ZNF862: variants seen among roughly 807,000 people sequenced by gnomAD.
ZNF862 encodes the protein zinc finger protein 862.
A neutral mutation model predicts 91.1 loss-of-function variants in ZNF862; 64 were observed. The ratio of observed to expected loss-of-function variants is 0.70; its 90% CI spans 0.57 to 0.87. ZNF862 has a LOEUF of 0.87. Among genes scored for constraint, ZNF862 ranks in the 40% least tolerant of loss-of-function variants. The pLI, the probability that ZNF862 is intolerant of heterozygous loss-of-function variation, is 0.00. For synonymous variants in ZNF862, 631 were observed against 618.1 expected (o/e 1.02, Z -0.31); for missense variants, 1,459 against 1,528.0 (o/e 0.95, Z 0.75).
Position 149,838,526 on chromosome 7 carries a change from C to T in ZNF862, c.-86C>T. The T allele has an allele frequency of 2.0e-6, 2 of 980,104 alleles. No homozygotes were observed. The highest frequency in any genetic ancestry group is 2.6e-6 in the Non-Finnish European group (2 of 757,592). 60.7% of individuals were successfully genotyped at this position (980,104 alleles called of 1,614,324 possible). ...CTGGGTGCCCTCCCCCTCCGGGAGC[C>T]TGGGTCCCCGGGGCGGTCGCGGCGG... is the stretch of plus-strand genomic sequence containing the variant. On this transcript the variant is annotated 5_prime_UTR_variant, in exon 1 of 8. Coordinates refer to ENST00000223210, the MANE Select transcript of ZNF862 (RefSeq NM_001099220.3).
At chr7:149,860,000 G>A (rs187291986) in intron 6 of ZNF862, 2 of 275,032 alleles carry the variant, frequency 7.3e-6, no homozygotes, top group East Asian at 7.5e-5. Context: ...GCCTTGGCAG[G>A]TGTTTAACCT....
chr7:149,841,881 C>T (rs1801718425), intron 1 of ZNF862, among the ~76,000 whole-genome samples: 2 of 152,106 alleles, frequency 1.3e-5, no homozygotes, highest in Admixed American at 1.3e-4. Context: ...TTTGAATTAC[C>T]ATGCATCAAG....
Position 149,864,191 on chromosome 7 carries a change from G to A in ZNF862, c.3417G>A (p.Arg1139=), listed in dbSNP as rs1250832280. ...AGAAGCCACCCATCCTGCCCTCCAG[G>A]GAAGCAGCGGAGGTTCTGAAGGACT... The part of the protein sequence containing the change: ...RTQKPPILPS[R]EAAEVLKDCI... The change falls in exon 8 of 8, where the codon AGG becomes AGA. Residue 1139 remains arginine, a synonymous_variant. Transcript: ENST00000223210. 6.3e-7 allele frequency: 1 copy of A among 1,595,930 alleles called. No homozygotes were observed. The highest frequency in any genetic ancestry group is 8.5e-7 in the Non-Finnish European group (1 of 1,171,642).
intron 1 of ZNF862, among the ~76,000 whole-genome samples, chr7:149,843,148 T>C (rs943616497): frequency 6.6e-6 from 1 of 152,228 alleles, no homozygotes; most frequent in African/African-American, 2.4e-5. Flanking sequence ...TTATTTCTAT[T>C]GTCCAAATTT....
At chr7:149,843,422 C>CT in intron 1 of ZNF862, among the ~76,000 whole-genome samples, 1 of 152,254 alleles carries the variant, frequency 6.6e-6, no homozygotes, top group East Asian at 1.9e-4. Context: ...ATTTCTACTT[C>CT]TTTTTCTGTT....
Position 149,860,618 on chromosome 7 carries a change from C to T in ZNF862, c.1458C>T (p.Phe486=), listed in dbSNP as rs1359902617. ...TTGACCCCAAAGAGACCAAACTCTT[C>T]TGCTCAGCCTGCATAGAAAGACCTA... The part of the protein sequence containing the change: ...LVIDPKETKL[F]CSACIERPNL... The change falls in exon 7 of 8, where the codon TTC becomes TTT. Residue 486 remains phenylalanine, a synonymous_variant. Coordinates refer to ENST00000223210, the MANE Select transcript of ZNF862 (RefSeq NM_001099220.3). 4 of 1,613,894 alleles carry T rather than the reference C, an allele frequency of 2.5e-6. No homozygotes were observed. Among genetic ancestry groups the T allele is most frequent in the Middle Eastern group, 1.6e-4 (1 of 6,084 alleles).
chr7:149,861,760 A>T lies in ZNF862; in HGVS notation c.2600A>T (p.Glu867Val). ...CAGAAGGAGATCGTGCTGATTACAG[A>T]GGTGAACGCCACGCTGGGCCGCGCC... is the stretch of plus-strand genomic sequence containing the variant. ...VCQKEIVLIT[E>V]VNATLGRAYV... Residue 867 changes from glutamate to valine, a missense_variant, in exon 7 of 8, where the codon GAG becomes GTG. Transcript: ENST00000223210. This position sits in a 1 kb window ranked among gnomAD's most constrained non-coding sequence, Gnocchi z 6.7. 1 of 1,613,624 alleles carries T rather than the reference A, an allele frequency of 6.2e-7. No homozygotes were observed. Among genetic ancestry groups the T allele is most frequent in the Non-Finnish European group, 8.5e-7 (1 of 1,179,842 alleles).
Position 149,844,716 on chromosome 7 carries a change from A to T in ZNF862, c.116A>T (p.Asn39Ile). The change falls in exon 2 of 8, where the codon AAC becomes ATC. Residue 39 changes from asparagine (N) to isoleucine (I), a missense_variant. By Grantham distance (149) the Asn-to-Ile change is moderately radical. Coordinates refer to ENST00000223210, the MANE Select transcript of ZNF862 (RefSeq NM_001099220.3). ...CAACAGAAGGAGCTCTGTGGTTCCA[A>T]CAAGCTGGTGGCACCACTGGGTATG... ...SQQQKELCGS[N>I]KLVAPLGPTV... The T allele has an allele frequency of 6.3e-7, 1 of 1,591,520 alleles. No homozygotes were observed. Among genetic ancestry groups the T allele is most frequent in the South Asian group, 1.1e-5 (1 of 87,258 alleles).
rs763527788 is a variant in ZNF862 at position 149,862,070 on chromosome 7, C to T, written c.2910C>T (p.Leu970=). ...ELASFGNDDI[L]NLARYFECSL... ...CCAGTTTTGGGAATGATGACATTCTCAACCTGGCCAGGTATTTCGAGTGCT... is the reference window on the plus strand; with the variant it reads ...CCAGTTTTGGGAATGATGACATTCTTAACCTGGCCAGGTATTTCGAGTGCT... Residue 970 remains leucine, a synonymous_variant, in exon 7 of 8, where the codon CTC becomes CTT. Transcript: ENST00000223210. The T allele has an allele frequency of 6.2e-7, 1 of 1,613,722 alleles. No individual in the cohort carries two copies. Among genetic ancestry groups the T allele is most frequent in the Non-Finnish European group, 8.5e-7 (1 of 1,179,882 alleles).
At chr7:149,844,771 A>G (rs1178903967) in intron 2 of ZNF862, 35 bp downstream of exon 2, 5 of 1,403,956 alleles carry the variant, frequency 3.6e-6, no homozygotes, top group East Asian at 2.5e-5. Context: ...GCCACTGTCA[A>G]TTTAGATCGG....
Position 149,861,604 on chromosome 7 carries a change from C to A in ZNF862, c.2444C>A (p.Ala815Glu). The A allele has an allele frequency of 6.2e-7, 1 of 1,600,566 alleles. No homozygotes were observed. The highest frequency in any genetic ancestry group is 8.5e-7 in the Non-Finnish European group (1 of 1,175,738). ...CTGGCCAGGCACCTCCAGAGGGTGG[C>A]AGAGGCTGGGGGCCAGATTGGGCAC... The part of the protein sequence containing the change: ...PALARHLQRV[A>E]EAGGQIGHRA... The change falls in exon 7 of 8, where the codon GCA becomes GAA. Residue 815 changes from alanine (A) to glutamate (E), a missense_variant. Ala to Glu is a moderately radical substitution (Grantham distance 107, BLOSUM62 -1). Coordinates refer to ENST00000223210, the MANE Select transcript of ZNF862 (RefSeq NM_001099220.3). The surrounding 1 kb of genome is among the most constrained non-coding windows in gnomAD (Gnocchi z 6.7).
At chr7:149,859,180 C>A in intron 5 of ZNF862, 3 of 564,666 alleles carry the variant, frequency 5.3e-6, no homozygotes, top group South Asian at 4.0e-5. Flanking sequence ...ACCCTTCCCC[C>A]TCTGGTGTGT....
At chr7:149,848,532 A>G in intron 4 of ZNF862, 100 bp downstream of exon 4, 1 of 973,848 alleles carries the variant, frequency 1.0e-6, no homozygotes, top group African/African-American at 1.6e-5. Context: ...TACTAGTGAT[A>G]ACCCACTGCT....
chr7:149,859,176 C>A lies in ZNF862; in HGVS notation c.1118-246C>A, dbSNP rs1283759136. 2.7e-5 allele frequency: 15 copies of A among 555,018 alleles called. No homozygotes were observed. In the East Asian group the frequency reaches 4.3e-4, roughly 16 times the overall value. 34.4% of individuals were successfully genotyped at this position (555,018 alleles called of 1,614,324 possible). A position where few individuals can be genotyped will look rare whatever the true frequency, so the allele number is the denominator to read the frequency against. ...TATGTTTCTTCCTGTTTCCACCCTT[C>A]CCCCTCTGGTGTGTATGGCTGGCCC... On this transcript the variant is annotated intron_variant, in intron 5 of 7. Transcript: ENST00000223210.
intron 2 of ZNF862, among the ~76,000 whole-genome samples, chr7:149,845,555 C>A (rs915216046): frequency 4.6e-5 from 7 of 152,224 alleles, no homozygotes; most frequent in Non-Finnish European, 5.9e-5. Flanking sequence ...TGCAAAATAG[C>A]AGCTCATGGG....
intron 1 of ZNF862, chr7:149,841,586 A>G (rs1801706382): frequency 1.0e-6 from 1 of 985,456 alleles, no homozygotes; most frequent in African/African-American, 1.7e-5. Flanking sequence ...TAGCATCACT[A>G]CAGGAGCCCT....
In ZNF862 at chr7:149,844,153, A is replaced by C. The variant is rs1488436362; in HGVS notation, c.25-472A>C. Among the ~76,000 whole-genome samples the C allele has an allele frequency of 1.3e-5, 2 of 150,416 alleles. 1 individual carries two copies. Among genetic ancestry groups the C allele is most frequent in the South Asian group, 4.2e-4 (2 of 4,716 alleles). ...AGAGCCCCTTTACAAGCCACACGGG[A>C]TGTAGATCTCAGCCCCAAAGCATTG... On this transcript the variant is annotated intron_variant, in intron 1 of 7. Coordinates refer to ENST00000223210, the MANE Select transcript of ZNF862 (RefSeq NM_001099220.3).
chr7:149,853,869 T>C (rs564409127), intron 5 of ZNF862, among the ~76,000 whole-genome samples: 1 of 145,044 alleles, frequency 6.9e-6, no homozygotes, highest in South Asian at 2.2e-4. Flanking sequence ...ACCTGGGAGG[T>C]GGAGGTTGCA....
intron 1 of ZNF862, among the ~76,000 whole-genome samples, chr7:149,840,314 TAAAG>T (rs200486617): frequency 0.015 from 2,320 of 151,500 alleles, 58 homozygotes; most frequent in African/African-American, 0.053. Context: ...CAAAAATATT[TAAAG>T]AAAAATATTG....
Sources: allele counts gnomAD v4.1 joint callset (sites outside exome capture counted in the v4.1 genomes callset), GRCh38; gene constraint gnomAD v4.1.1; non-coding constraint Gnocchi (gnomAD v3.1); transcripts MANE v1.5; gene names NCBI Gene and HGNC (gene_info 2026-07-23, HGNC 2026-07-21).